Variants in RBFOX1 observed in about 807,000 individuals in gnomAD.
RBFOX1 encodes the protein RNA binding fox-1 homolog 1, also known as RNA binding protein fox-1 homolog 1.
A neutral mutation model predicts 57.7 loss-of-function variants in RBFOX1; 8 were observed. The observed-to-expected ratio is 0.14, with a 90% confidence interval of 0.08 to 0.25. The LOEUF (loss-of-function observed/expected upper bound fraction) is 0.25, where lower values mean the gene tolerates loss of function less well. Ranked by LOEUF, RBFOX1 falls within the 10% of genes least tolerant of loss-of-function variation. The pLI is 1.00. For missense variants in RBFOX1, 611 were observed against 548.5 expected, an observed-to-expected ratio of 1.11 and a Z score of -1.14; for synonymous variants, 326 against 222.4, an observed-to-expected ratio of 1.47 and a Z score of -4.15.
intron 1 of RBFOX1, among the ~76,000 whole-genome samples, chr16:6,106,520 C>G (rs1036194573): frequency 6.8e-6 from 1 of 147,524 alleles, no homozygotes; most frequent in Non-Finnish European, 1.5e-5. Flanking sequence ...AAGAATAGTA[C>G]TGCGTTAGCA....
At chr16:7,667,142 C>T (rs1477531307) in intron 13 of RBFOX1, among the ~76,000 whole-genome samples, 2 of 152,184 alleles carry the variant, frequency 1.3e-5, no homozygotes, top group Non-Finnish European at 2.9e-5. Flanking sequence ...GATTACCCAG[C>T]ACATGTTTCT....
intron 3 of RBFOX1, among the ~76,000 whole-genome samples, chr16:6,796,753 G>C (rs56401420): frequency 0.021 from 3,157 of 152,238 alleles, 101 homozygotes; most frequent in African/African-American, 0.071. Flanking sequence ...AACGCCCCAT[G>C]AAGATGGGCC....
At chr16:5,275,492 C>A (rs1438982216) in intron 1 of RBFOX1, among the ~76,000 whole-genome samples, 6 of 152,064 alleles carry the variant, frequency 3.9e-5, no homozygotes, top group Non-Finnish European at 8.8e-5. Context: ...AGGTGAAATA[C>A]CCCTACAAGG....
intron 2 of RBFOX1, among the ~76,000 whole-genome samples, chr16:6,612,630 T>A (rs1381186059): frequency 6.6e-6 from 1 of 152,058 alleles, no homozygotes; most frequent in East Asian, 1.9e-4. Flanking sequence ...GGCAGGTGGA[T>A]GACTTGAGGT....
intron 4 of RBFOX1, among the ~76,000 whole-genome samples, chr16:5,927,080 T>C (rs987623534): frequency 6.6e-6 from 1 of 152,226 alleles, no homozygotes; most frequent in Non-Finnish European, 1.5e-5. Flanking sequence ...TTTTATACCC[T>C]AGCTCTGTGA....
chr16:5,357,846 T>C (rs919427895), intron 1 of RBFOX1, among the ~76,000 whole-genome samples: 11 of 152,224 alleles, frequency 7.2e-5, no homozygotes, highest in Non-Finnish European at 1.3e-4. Flanking sequence ...TTTTATGTGT[T>C]CCTTAAATGC....
chr16:6,999,693 T>C (rs918016042), intron 3 of RBFOX1, among the ~76,000 whole-genome samples: 1 of 152,050 alleles, frequency 6.6e-6, no homozygotes, highest in Non-Finnish European at 1.5e-5. Flanking sequence ...ATACTATTAT[T>C]ATTAAATATA....
chr16:6,767,947 T>TAATAATAATAAAGAAGAAG (rs1410744665), intron 3 of RBFOX1, among the ~76,000 whole-genome samples: 1 of 101,048 alleles, frequency 9.9e-6, no homozygotes. Context: ...ATAATAATAA[T>TAATAATAATAAAGAAGAAG]AAGAAGAAGA....
chr16:7,615,526 T>C (rs1568109318), intron 10 of RBFOX1, among the ~76,000 whole-genome samples: 1 of 152,164 alleles, frequency 6.6e-6, no homozygotes, highest in Non-Finnish European at 1.5e-5. Flanking sequence ...GTGCTGACTC[T>C]GAAAGTTAAG....
intron 4 of RBFOX1, among the ~76,000 whole-genome samples, chr16:5,999,899 AAAAAAAAAGAGT>A (rs1448513069): frequency 2.0e-5 from 1 of 51,018 alleles, no homozygotes; most frequent in Admixed American, 2.0e-4. Flanking sequence ...AAAAAAAAAA[AAAAAAAAAGAGT>A]GAAGAAGGGA....
chr16:7,610,139 T>TTTTTTTTTTTTTTTA (rs2057174916), intron 10 of RBFOX1, among the ~76,000 whole-genome samples: 1 of 127,614 alleles, frequency 7.8e-6, no homozygotes. Flanking sequence ...TTTTTTTTTT[T>TTTTTTTTTTTTTTTA]GAGGCAGTTT....
At chr16:6,493,970 A>T in intron 2 of RBFOX1, among the ~76,000 whole-genome samples, 1 of 152,238 alleles carries the variant, frequency 6.6e-6, no homozygotes, top group East Asian at 1.9e-4. Flanking sequence ...TTTCCTGTAT[A>T]CCAGAAGATA....
chr16:6,753,129 G>C (rs9928276), intron 3 of RBFOX1, among the ~76,000 whole-genome samples: 17 of 152,246 alleles, frequency 1.1e-4, no homozygotes, highest in African/African-American at 3.9e-4. Context: ...ACTGAAACTT[G>C]TAGGGGGTAT....
At chr16:5,934,832 G>C (rs2152254391) in intron 4 of RBFOX1, among the ~76,000 whole-genome samples, 1 of 152,354 alleles carries the variant, frequency 6.6e-6, no homozygotes, top group Non-Finnish European at 1.5e-5. Context: ...TGAAAGAGCA[G>C]GGCAGGGGAC....
intron 3 of RBFOX1, among the ~76,000 whole-genome samples, chr16:5,684,114 G>T (rs1226899964): frequency 1.3e-5 from 2 of 151,978 alleles, no homozygotes; most frequent in African/African-American, 4.8e-5. Flanking sequence ...TTTCTTTTTT[G>T]TGTGAAAAGG....
At chr16:5,377,712 C>T (rs995043676) in intron 1 of RBFOX1, among the ~76,000 whole-genome samples, 2 of 151,320 alleles carry the variant, frequency 1.3e-5, no homozygotes, top group African/African-American at 4.9e-5. Context: ...GCGTGCAGCC[C>T]AGGAGAGGGA....
rs534464215 is a variant in RBFOX1 at position 7,702,513 on chromosome 16, A to AT, written c.996-6542dup. On this transcript the variant is annotated intron_variant, in intron 14 of 15. Coordinates refer to ENST00000550418, the MANE Select transcript of RBFOX1 (RefSeq NM_018723.4). ...GGGATGGTTGAGTTGGAAAACATAA[A>AT]TGCCCATAACAGTTTATGATTGACA... 7.2e-5 allele frequency among the ~76,000 whole-genome samples: 11 copies of AT among 152,348 alleles called. No individual in the cohort carries two copies. The East Asian group carries it at 2.1e-3, about 29-fold the overall frequency.
In RBFOX1 at chr16:5,447,070, G is replaced by A. The variant is rs573565022; in HGVS notation, c.220-20146G>A. 5.9e-5 allele frequency among the ~76,000 whole-genome samples: 9 copies of A among 152,174 alleles called. No individual in the cohort carries two copies. The South Asian group carries it at 1.7e-3, about 28-fold the overall frequency. ...AATCTCTAAGCAAACAAACCATCAC[G>A]ATCAACAAAAGAGGTAATGCTGTGA... On this transcript the variant is annotated intron_variant, in intron 1 of 2. Transcript: ENST00000585867.
At chr16:6,908,180 C>T (rs768789131) in intron 3 of RBFOX1, among the ~76,000 whole-genome samples, 3 of 151,700 alleles carry the variant, frequency 2.0e-5, no homozygotes, top group East Asian at 3.9e-4. Flanking sequence ...TCCCTACATC[C>T]GTGCAGTTCA....
Sources: gnomAD v4.1 joint callset for allele counts (sites outside exome capture counted in the v4.1 genomes callset) on GRCh38, gnomAD v4.1.1 for gene constraint, MANE v1.5 for transcripts, NCBI Gene and HGNC (gene_info 2026-07-23, HGNC 2026-07-21) for gene names.